The following RAD51B variants were observed in gnomAD, a reference collection of about 807,000 sequenced individuals.
RAD51B encodes RAD51 paralog B.
A neutral mutation model predicts 42.2 loss-of-function variants in RAD51B; 38 were observed. The observed-to-expected ratio is 0.90, with a 90% CI of 0.70 to 1.18. RAD51B has a LOEUF of 1.18. RAD51B is among the 50% of genes most tolerant of loss of function. The probability of loss-of-function intolerance (pLI) is 0.00; values close to 1 mark genes in which losing one functional copy is unlikely to be tolerated. For synonymous variants in RAD51B, 154 were observed against 145.2 expected (o/e 1.06, Z -0.43); for missense variants, 373 against 400.7 (o/e 0.93, Z 0.59).
At chr14:67,827,597 G>A (rs1317390108) in intron 3 of RAD51B, among the ~76,000 whole-genome samples, 5 of 151,988 alleles carry the variant, frequency 3.3e-5, no homozygotes, top group African/African-American at 4.8e-5. Context: ...TAAGCTCAGC[G>A]TCCATTAGCT....
intron 10 of RAD51B, among the ~76,000 whole-genome samples, chr14:68,539,472 C>A (rs879700091): frequency 1.3e-5 from 2 of 152,232 alleles, no homozygotes; most frequent in Admixed American, 1.3e-4. Flanking sequence ...CCTCCAGGGG[C>A]ATTCACTGGG....
intron 9 of RAD51B, among the ~76,000 whole-genome samples, chr14:68,426,687 G>A (rs751005494): frequency 5.9e-5 from 9 of 152,048 alleles, no homozygotes; most frequent in Non-Finnish European, 1.0e-4. Context: ...TGGTTGCCTG[G>A]TAGAGAAAGA....
At position 67,825,519 on chromosome 14, in the gene RAD51B, G is replaced by A. The variant is rs780272322; in HGVS notation, c.140G>A (p.Arg47Gln). Residue 47 changes from arginine (R) to glutamine (Q), a missense_variant, in exon 3 of 11, where the codon CGA becomes CAA. By Grantham distance (43) the Arg-to-Gln change is conservative. Coordinates refer to ENST00000471583, the MANE Select transcript of RAD51B (RefSeq NM_133510.4). ...ATGAAGGTGACTGGTCTGAGTTATC[G>A]AGGTGTCCATGAACTTCTATGTATG... ...ELMKVTGLSY[R>Q]GVHELLCMVS... The A allele has an allele frequency of 3.2e-5, 52 of 1,613,554 alleles. No individual in the cohort carries two copies. Among genetic ancestry groups the A allele is most frequent in the East Asian group, 2.2e-5 (1 of 44,870 alleles).
chr14:67,857,575 C>CTTG (rs1291926956), intron 4 of RAD51B, among the ~76,000 whole-genome samples: 2 of 152,170 alleles, frequency 1.3e-5, no homozygotes, highest in Non-Finnish European at 2.9e-5. Context: ...AAAATAATGG[C>CTTG]TTGTTTCACC....
At chr14:68,267,954 T>G (rs2081026390) in intron 7 of RAD51B, among the ~76,000 whole-genome samples, 1 of 152,230 alleles carries the variant, frequency 6.6e-6, no homozygotes, top group Non-Finnish European at 1.5e-5. Context: ...TCAAATAATG[T>G]GCTGCAGACT....
intron 7 of RAD51B, among the ~76,000 whole-genome samples, chr14:67,914,246 G>A (rs2044080852): frequency 6.6e-6 from 1 of 152,144 alleles, no homozygotes; most frequent in African/African-American, 2.4e-5. Flanking sequence ...CCCTCCCAAA[G>A]TGTTAGGATT....
At chr14:68,646,343 A>G (rs1357310560) in intron 10 of RAD51B, among the ~76,000 whole-genome samples, 1 of 152,208 alleles carries the variant, frequency 6.6e-6, no homozygotes, top group Admixed American at 6.5e-5. Context: ...TTGACTATGA[A>G]TGAAACTGAC....
intron 10 of RAD51B, among the ~76,000 whole-genome samples, chr14:68,523,762 G>T (rs1208915383): frequency 2.0e-5 from 3 of 152,154 alleles, no homozygotes; most frequent in Non-Finnish European, 4.4e-5. Flanking sequence ...CAAAGGTTTT[G>T]TATCCTGCAA....
intron 7 of RAD51B, among the ~76,000 whole-genome samples, chr14:67,944,938 G>C (rs1280000066): frequency 7.9e-5 from 12 of 152,124 alleles, no homozygotes; most frequent in Admixed American, 4.6e-4. Flanking sequence ...GAATCATTGT[G>C]ATTGTTGGAT....
At chr14:68,427,780 T>C (rs1208556941) in intron 9 of RAD51B, among the ~76,000 whole-genome samples, 3 of 152,146 alleles carry the variant, frequency 2.0e-5, no homozygotes, top group Admixed American at 6.5e-5. Flanking sequence ...GCTATTGGGA[T>C]GGAATAATGT....
At chr14:68,240,985 C>T (rs1037882348) in intron 7 of RAD51B, among the ~76,000 whole-genome samples, 2 of 152,192 alleles carry the variant, frequency 1.3e-5, no homozygotes, top group Non-Finnish European at 1.5e-5. Flanking sequence ...AGCTTACCAT[C>T]TGTGCTTGTT....
At chr14:67,988,275 A>G (rs1566559073) in intron 7 of RAD51B, among the ~76,000 whole-genome samples, 2 of 152,136 alleles carry the variant, frequency 1.3e-5, no homozygotes, top group South Asian at 2.1e-4. Context: ...CCTGGCCAAC[A>G]TAGTGAAAGC....
chr14:68,042,027 T>C (rs2076226291), intron 7 of RAD51B, among the ~76,000 whole-genome samples: 1 of 152,202 alleles, frequency 6.6e-6, no homozygotes, highest in African/African-American at 2.4e-5. Flanking sequence ...TGTCTACAAC[T>C]GATGAATGTA....
At chr14:68,183,065 G>T (rs2079084931) in intron 7 of RAD51B, among the ~76,000 whole-genome samples, 1 of 152,058 alleles carries the variant, frequency 6.6e-6, no homozygotes, top group Admixed American at 6.5e-5. Flanking sequence ...TTGTGTTAGG[G>T]TTCTCTAGAG....
chr14:68,429,662 G>A (rs1409451025), intron 9 of RAD51B, among the ~76,000 whole-genome samples: 5 of 152,188 alleles, frequency 3.3e-5, no homozygotes, highest in Admixed American at 2.0e-4. Flanking sequence ...TTTGTCAGAT[G>A]AGTAGATTGC....
At chr14:68,219,799 A>G (rs1039975080) in intron 7 of RAD51B, among the ~76,000 whole-genome samples, 1 of 152,214 alleles carries the variant, frequency 6.6e-6, no homozygotes, top group Non-Finnish European at 1.5e-5. Context: ...CCAAAAGATC[A>G]TACTGGCTCA....
At chr14:68,445,904 G>T (rs1054549683) in intron 9 of RAD51B, among the ~76,000 whole-genome samples, 1 of 152,204 alleles carries the variant, frequency 6.6e-6, no homozygotes, top group Admixed American at 6.5e-5. Flanking sequence ...ACTGAGAACG[G>T]TTTAAGGTAT....
At chr14:68,152,318 C>G (rs2078405969) in intron 7 of RAD51B, among the ~76,000 whole-genome samples, 1 of 152,122 alleles carries the variant, frequency 6.6e-6, no homozygotes, top group Non-Finnish European at 1.5e-5. Context: ...TCATATATGT[C>G]CTCAACTACT....
intron 7 of RAD51B, among the ~76,000 whole-genome samples, chr14:68,008,064 G>A (rs1414728140): frequency 1.3e-5 from 2 of 151,636 alleles, no homozygotes; most frequent in African/African-American, 4.8e-5. Context: ...CTTTGTAGAG[G>A]ATATTTGGCA....
Sources: allele counts gnomAD v4.1 joint callset (sites outside exome capture counted in the v4.1 genomes callset), GRCh38; gene constraint gnomAD v4.1.1; transcripts MANE v1.5; gene names NCBI Gene and HGNC (gene_info 2026-07-23, HGNC 2026-07-21).